OPCML: variants seen among roughly 807,000 people sequenced by gnomAD.
The protein encoded by OPCML is opioid-binding protein/cell adhesion molecule.
A neutral mutation model predicts 37.8 loss-of-function variants in OPCML; 13 were observed. The observed-to-expected ratio is 0.34, with a 90% CI of 0.22 to 0.55. The LOEUF is 0.55. OPCML is among the 20% of genes least tolerant of loss of function. The pLI, the probability that OPCML is intolerant of heterozygous loss-of-function variation, is 0.91. For synonymous variants in OPCML, 176 were observed against 168.8 expected (o/e 1.04, Z -0.33); for missense variants, 341 against 435.6 (o/e 0.78, Z 1.93).
intron 1 of OPCML, among the ~76,000 whole-genome samples, chr11:133,316,643 T>TA (rs1169642881): frequency 6.6e-6 from 1 of 152,130 alleles, no homozygotes; most frequent in Non-Finnish European, 1.5e-5. Flanking sequence ...AATAATAACA[T>TA]AAAATAGGAA....
chr11:133,171,808 T>C (rs193163343), intron 1 of OPCML, among the ~76,000 whole-genome samples: 88 of 152,318 alleles, frequency 5.8e-4, no homozygotes, highest in African/African-American at 2.1e-3. Flanking sequence ...GGAAGAATCA[T>C]TGCTCTTTTC....
At chr11:132,937,031 A>G (rs1945400494) in intron 2 of OPCML, among the ~76,000 whole-genome samples, 1 of 152,156 alleles carries the variant, frequency 6.6e-6, no homozygotes, top group Non-Finnish European at 1.5e-5. Flanking sequence ...AGCCCTAAAG[A>G]TATCTTGGAC....
intron 2 of OPCML, among the ~76,000 whole-genome samples, chr11:132,723,496 T>A (rs1471995029): frequency 6.6e-6 from 1 of 152,218 alleles, no homozygotes; most frequent in East Asian, 1.9e-4. Context: ...AAGAGCCAGT[T>A]ATGAAAAATA....
chr11:132,782,991 A>G (rs1371861075), intron 2 of OPCML, among the ~76,000 whole-genome samples: 1 of 148,156 alleles, frequency 6.7e-6, no homozygotes, highest in Non-Finnish European at 1.5e-5. Flanking sequence ...TTTCAGAAAG[A>G]CTATAGCTTC....
intron 2 of OPCML, among the ~76,000 whole-genome samples, chr11:132,893,912 G>T (rs1458559118): frequency 3.3e-5 from 5 of 152,080 alleles, no homozygotes; most frequent in African/African-American, 1.2e-4. Context: ...TTGTTTCTTG[G>T]TCTGGTTGTC....
intron 3 of OPCML, among the ~76,000 whole-genome samples, chr11:132,656,524 A>T (rs141464560): frequency 1.3e-5 from 2 of 152,284 alleles, no homozygotes; most frequent in East Asian, 3.9e-4. Flanking sequence ...TAACCTGCAG[A>T]TATCATTCTG....
intron 2 of OPCML, among the ~76,000 whole-genome samples, chr11:132,918,951 C>T (rs1187055110): frequency 2.0e-5 from 3 of 151,998 alleles, no homozygotes; most frequent in Non-Finnish European, 1.5e-5. Context: ...AAATTCAGGC[C>T]GAATTAAGCC....
chr11:132,883,123 C>G (rs1943277835), intron 2 of OPCML, among the ~76,000 whole-genome samples: 1 of 152,176 alleles, frequency 6.6e-6, no homozygotes, highest in African/African-American at 2.4e-5. Flanking sequence ...AGAACCTGCA[C>G]AAACAGATGC....
chr11:133,035,047 C>A (rs961307621), intron 1 of OPCML, among the ~76,000 whole-genome samples: 1 of 152,102 alleles, frequency 6.6e-6, no homozygotes, highest in South Asian at 2.1e-4. Flanking sequence ...TGGATAATGC[C>A]CCAGGCGGGA....
At chr11:133,471,107 A>G (rs1259713860) in intron 1 of OPCML, among the ~76,000 whole-genome samples, 1 of 152,230 alleles carries the variant, frequency 6.6e-6, no homozygotes. Context: ...ACTCAAGTAC[A>G]TTAAAGACAG....
At chr11:132,891,300 C>A (rs1319819067) in intron 2 of OPCML, among the ~76,000 whole-genome samples, 1 of 152,176 alleles carries the variant, frequency 6.6e-6, no homozygotes, top group African/African-American at 2.4e-5. Flanking sequence ...CAGACCCAAG[C>A]TCATCCATCT....
At chr11:132,747,941 C>T (rs887569318) in intron 2 of OPCML, among the ~76,000 whole-genome samples, 8 of 152,076 alleles carry the variant, frequency 5.3e-5, no homozygotes, top group Non-Finnish European at 1.0e-4. Flanking sequence ...AATATTTTAA[C>T]GGATTGAGTA....
chr11:133,005,829 G>A (rs555892130), intron 1 of OPCML: 14 of 985,312 alleles, frequency 1.4e-5, no homozygotes, highest in Non-Finnish European at 1.7e-5. Flanking sequence ...GGGGAAAGAG[G>A]CTGCTCTTTG....
chr11:133,235,106 C>T (rs1940451816), intron 1 of OPCML, among the ~76,000 whole-genome samples: 1 of 152,044 alleles, frequency 6.6e-6, no homozygotes, highest in South Asian at 2.1e-4. Flanking sequence ...GGCTCCGCGG[C>T]TTTAGCTGGC....
intron 1 of OPCML, among the ~76,000 whole-genome samples, chr11:132,980,359 T>G (rs1431522409): frequency 6.6e-6 from 1 of 152,252 alleles, no homozygotes; most frequent in Non-Finnish European, 1.5e-5. Flanking sequence ...AGAATTTAAG[T>G]TTGGCATTTT....
chr11:132,531,272 C>T (rs1364376276), intron 3 of OPCML, among the ~76,000 whole-genome samples: 2 of 152,190 alleles, frequency 1.3e-5, no homozygotes, highest in Non-Finnish European at 2.9e-5. Flanking sequence ...ATACTCAAAC[C>T]TTTCTTTCTA....
In OPCML at chr11:133,483,478, C is replaced by T. The variant is rs146654203; in HGVS notation, c.61+48786G>A. On this transcript the variant is annotated intron_variant, in intron 1 of 7. Coordinates refer to ENST00000524381, the MANE Select transcript of OPCML (RefSeq NM_001012393.5). ...TAAATAGAAAAAGAGAGACAGTCTT[C>T]TAGATTTATAGATGGATAGATAGAT... Among the ~76,000 whole-genome samples, 799 of 151,610 alleles carry T rather than the reference C, an allele frequency of 5.3e-3. 1 individual carries two copies. In the Middle Eastern group the frequency reaches 0.068, roughly 13 times the overall value.
chr11:133,128,496 C>G (rs962288648), intron 1 of OPCML, among the ~76,000 whole-genome samples: 2 of 152,208 alleles, frequency 1.3e-5, no homozygotes, highest in African/African-American at 4.8e-5. Flanking sequence ...AAGTTCTCCA[C>G]TCCACAAAAT....
At chr11:133,219,623 T>C (rs1481624212) in intron 1 of OPCML, among the ~76,000 whole-genome samples, 2 of 152,120 alleles carry the variant, frequency 1.3e-5, no homozygotes, top group African/African-American at 4.8e-5. Flanking sequence ...TGAGAAGACT[T>C]GTATTTCTAA....
Sources: allele counts gnomAD v4.1 joint callset (sites outside exome capture counted in the v4.1 genomes callset), GRCh38; gene constraint gnomAD v4.1.1; transcripts MANE v1.5; gene names NCBI Gene and HGNC (gene_info 2026-07-23, HGNC 2026-07-21).